GDAP1: variants seen among roughly 807,000 people sequenced by gnomAD.
GDAP1 encodes the protein ganglioside induced differentiation associated protein 1, also known as ganglioside-induced differentiation-associated protein 1.
Under a neutral mutation model 40.1 loss-of-function variants are expected in GDAP1, and 34 were observed. The observed-to-expected ratio is 0.85, with a 90% CI of 0.64 to 1.13. GDAP1 has a LOEUF of 1.13. Among genes scored for constraint, GDAP1 ranks in the 50% most tolerant of loss-of-function variants. GDAP1 has a pLI of 0.00. For missense variants in GDAP1, 374 were observed against 433.7 expected (o/e 0.86, Z 1.22); for synonymous variants, 170 against 157.4 (o/e 1.08, Z -0.60).
At chr8:74,476,173 G>A (rs915311636) in intron 2 of GDAP1, among the ~76,000 whole-genome samples, 7 of 152,090 alleles carry the variant, frequency 4.6e-5, no homozygotes, top group African/African-American at 1.7e-4. Context: ...GAGCCTATGT[G>A]TGTCATTGCA....
chr8:74,445,678 C>G (rs1274141649), intron 2 of GDAP1, among the ~76,000 whole-genome samples: 1 of 152,124 alleles, frequency 6.6e-6, no homozygotes, highest in Admixed American at 6.5e-5. Context: ...ACTAGAAAAA[C>G]TTTATCATTC....
rs191628465 is a variant in GDAP1 at position 74,410,961 on chromosome 8, C to G, written c.165+59640C>G. Among the ~76,000 whole-genome samples the G allele has an allele frequency of 2.1e-4, 32 of 150,148 alleles. No homozygotes were observed. In the East Asian group the frequency reaches 5.0e-3, roughly 24 times the overall value. ...ATGTGTCAAGGGAGGGACCTGTAAT[C>G]CCCAGGTGTTGAGGGAGGGAGGTGA... On this transcript the variant is annotated intron_variant, in intron 2 of 2. Coordinates refer to the GDAP1 transcript ENST00000523640.
chr8:74,419,241 T>G (rs1222006088), intron 2 of GDAP1, among the ~76,000 whole-genome samples: 1 of 152,200 alleles, frequency 6.6e-6, no homozygotes, highest in African/African-American at 2.4e-5. Flanking sequence ...TTTATGGTGG[T>G]TTTCTTCATA....
chr8:74,388,905 G>A (rs1810065772), intron 2 of GDAP1, among the ~76,000 whole-genome samples: 2 of 152,090 alleles, frequency 1.3e-5, no homozygotes, highest in Non-Finnish European at 2.9e-5. Context: ...AGCTCTTCTT[G>A]TTGCATTGAT....
At chr8:74,415,080 G>C (rs909351855) in intron 2 of GDAP1, among the ~76,000 whole-genome samples, 1 of 150,076 alleles carries the variant, frequency 6.7e-6, no homozygotes, top group Non-Finnish European at 1.5e-5. Flanking sequence ...GTCTAGCAAA[G>C]ATATCCTTCC....
intron 2 of GDAP1, among the ~76,000 whole-genome samples, chr8:74,439,330 G>A (rs1315098599): frequency 6.6e-6 from 1 of 151,848 alleles, no homozygotes; most frequent in African/African-American, 2.4e-5. Flanking sequence ...TTTACCTGTG[G>A]AAGACCAATT....
chr8:74,412,902 CAA>C (rs758257475), intron 2 of GDAP1, among the ~76,000 whole-genome samples: 2 of 128,750 alleles, frequency 1.6e-5, no homozygotes. Flanking sequence ...ACTAAAAATA[CAA>C]AAAAAAAAAA....
At chr8:74,415,634 C>G (rs1805768272) in intron 2 of GDAP1, among the ~76,000 whole-genome samples, 1 of 149,998 alleles carries the variant, frequency 6.7e-6, no homozygotes, top group Non-Finnish European at 1.5e-5. Flanking sequence ...AAAGCCTTAT[C>G]CCTGCCCAGA....
chr8:74,422,113 CT>C (rs1805864278), intron 2 of GDAP1, among the ~76,000 whole-genome samples: 1 of 151,746 alleles, frequency 6.6e-6, no homozygotes, highest in African/African-American at 2.4e-5. Context: ...CATAATTAGC[CT>C]TTTCTTTCTT....
Position 74,406,329 on chromosome 8 carries a change from A to G in GDAP1, c.165+55008A>G, listed in dbSNP as rs1471231237. 2.0e-5 allele frequency among the ~76,000 whole-genome samples: 3 copies of G among 150,348 alleles called. 1 individual carries two copies. Among genetic ancestry groups the G allele is most frequent in the African/African-American group, 7.6e-5 (3 of 39,638 alleles). The stretch of plus-strand genomic sequence containing the variant: ...CGTGCCATTTAATGAATTCTAGGCT[A>G]GCAATGATAAATAAACATTGACTCA... On this transcript the variant is annotated intron_variant, in intron 2 of 2. Coordinates refer to the GDAP1 transcript ENST00000523640.
At chr8:74,353,420 A>T (rs1226252341) in intron 2 of GDAP1, among the ~76,000 whole-genome samples, 1 of 152,260 alleles carries the variant, frequency 6.6e-6, no homozygotes, top group Non-Finnish European at 1.5e-5. Context: ...CAGCAAGAGA[A>T]CAATAGTTTA....
intron 2 of GDAP1, among the ~76,000 whole-genome samples, chr8:74,385,481 A>C (rs1239556398): frequency 6.6e-6 from 1 of 152,148 alleles, no homozygotes; most frequent in Non-Finnish European, 1.5e-5. Context: ...TTCCAGCTTC[A>C]TCCATGTCCC....
intron 2 of GDAP1, among the ~76,000 whole-genome samples, chr8:74,474,930 G>T (rs1231747100): frequency 1.3e-5 from 2 of 151,934 alleles, no homozygotes; most frequent in African/African-American, 4.8e-5. Flanking sequence ...GGCTTTTTTT[G>T]GTTGGTAGGC....
intron 2 of GDAP1, among the ~76,000 whole-genome samples, chr8:74,377,013 A>G (rs1809865858): frequency 6.6e-6 from 1 of 152,194 alleles, no homozygotes; most frequent in Non-Finnish European, 1.5e-5. Flanking sequence ...CCACATTAAA[A>G]ACATATACCT....
rs1420614598 is a variant in GDAP1, at chr8:74,366,090, A to C, written c.*1723A>C. 2.3e-6 allele frequency: 1 copy of C among 439,736 alleles called. No individual in the cohort carries two copies. The highest frequency in any genetic ancestry group is 1.7e-5 in the South Asian group (1 of 60,238). 27.2% of individuals were successfully genotyped at this position (439,736 alleles called of 1,614,324 possible). On this transcript the variant is annotated 3_prime_UTR_variant, in exon 6 of 6. Coordinates refer to ENST00000220822, the MANE Select transcript of GDAP1 (RefSeq NM_018972.4). ...CTATGAAAAAGTTGTTAAGAATAAA[A>C]ATTAGAAGTCCATGGTTAACTTTTC...
chr8:74,358,343 C>G (rs2131509470), intron 2 of GDAP1, among the ~76,000 whole-genome samples: 1 of 152,320 alleles, frequency 6.6e-6, no homozygotes, highest in African/African-American at 2.4e-5. Context: ...GAGCCACTAG[C>G]CATTACTTGG....
chr8:74,477,118 G>GT lies in GDAP1; in HGVS notation c.166-11555dup, dbSNP rs1377993289. Among the ~76,000 whole-genome samples, 6 of 152,250 alleles carry GT rather than the reference G, an allele frequency of 3.9e-5. No individual in the cohort carries two copies. In the East Asian group the frequency reaches 9.7e-4, roughly 25 times the overall value. ...TTGCATTATGAAGTTCTTGAAGTGT[G>GT]TTTTTCAGCTCTATCAAGTCAGTTA... On this transcript the variant is annotated intron_variant, in intron 2 of 2. Transcript: ENST00000523640.
intron 2 of GDAP1, among the ~76,000 whole-genome samples, chr8:74,443,231 G>A (rs1325060583): frequency 1.3e-5 from 2 of 152,140 alleles, no homozygotes; most frequent in Admixed American, 1.3e-4. Flanking sequence ...GGAAGGCAGG[G>A]AGCCTGATCT....
At chr8:74,402,112 G>A (rs1301437645) in intron 2 of GDAP1, among the ~76,000 whole-genome samples, 2 of 150,300 alleles carry the variant, frequency 1.3e-5, no homozygotes, top group South Asian at 2.1e-4. Flanking sequence ...TAAGTCTGCA[G>A]AGGTTACTGC....
Sources: gnomAD v4.1 joint callset for allele counts (sites outside exome capture counted in the v4.1 genomes callset) on GRCh38, gnomAD v4.1.1 for gene constraint, MANE v1.5 for transcripts, NCBI Gene and HGNC (gene_info 2026-07-23, HGNC 2026-07-21) for gene names.